The following KIAA0825 variants were observed in gnomAD, a reference collection of about 807,000 sequenced individuals.
KIAA0825 encodes the protein KIAA0825.
Under a neutral mutation model 147.6 loss-of-function variants are expected in KIAA0825, and 119 were observed. That is an observed-to-expected ratio of 0.81 (90% CI 0.69 to 0.94). The LOEUF is 0.94. Ranked by LOEUF, KIAA0825 falls within the 40% of genes least tolerant of loss-of-function variation. The probability of loss-of-function intolerance (pLI) is 0.00; values close to 1 mark genes in which losing one functional copy is unlikely to be tolerated. For missense variants in KIAA0825, 1,381 were observed against 1,472.7 expected (o/e 0.94, Z 1.02); for synonymous variants, 470 against 518.1 (o/e 0.91, Z 1.26).
chr5:94,212,762 T>C (rs994298940), intron 20 of KIAA0825, among the ~76,000 whole-genome samples: 5 of 152,150 alleles, frequency 3.3e-5, no homozygotes, highest in East Asian at 1.9e-4. Context: ...GAAGGAGTCA[T>C]TATCTTTATT....
At chr5:94,482,027 C>T (rs1348037219) in intron 6 of KIAA0825, among the ~76,000 whole-genome samples, 6 of 152,054 alleles carry the variant, frequency 3.9e-5, no homozygotes, top group Admixed American at 3.9e-4. Context: ...ATATCATCAC[C>T]TAATACAGTA....
chr5:94,498,765 T>G (rs1309570464), intron 5 of KIAA0825, among the ~76,000 whole-genome samples: 1 of 152,176 alleles, frequency 6.6e-6, no homozygotes. Context: ...CAGTGTAATC[T>G]CTACTGCTGG....
chr5:94,488,160 T>C (rs1195108904), intron 5 of KIAA0825, among the ~76,000 whole-genome samples: 1 of 152,114 alleles, frequency 6.6e-6, no homozygotes, highest in Non-Finnish European at 1.5e-5. Context: ...CCTCCCAGAG[T>C]GCTGCGATTA....
rs1430812764 is a variant in KIAA0825, at chr5:94,304,450, C to T, written c.3710+79918G>A. On this transcript the variant is annotated intron_variant, in intron 20 of 20. Transcript: ENST00000682413. ...CGTATCAACTAGAGAAGAGGTAACA[C>T]TGGAAGATGCCGATCTGGTTGACAA... Among the ~76,000 whole-genome samples, 3 of 152,004 alleles carry T rather than the reference C, an allele frequency of 2.0e-5. No homozygotes were observed. In the East Asian group the frequency reaches 5.8e-4, roughly 29 times the overall value.
At chr5:94,281,549 A>G (rs1777465281) in intron 20 of KIAA0825, among the ~76,000 whole-genome samples, 1 of 152,068 alleles carries the variant, frequency 6.6e-6, no homozygotes, top group Non-Finnish European at 1.5e-5. Context: ...TAGGATTGGT[A>G]GAGTTAGCTT....
chr5:94,417,075 T>C lies in KIAA0825; in HGVS notation c.2662+126A>G, dbSNP rs185374352. The C allele has an allele frequency of 9.8e-5, 84 of 860,732 alleles. No individual in the cohort carries two copies. In the African/African-American group the frequency reaches 1.3e-3, roughly 13 times the overall value. 53.3% of individuals were successfully genotyped at this position (860,732 alleles called of 1,614,324 possible). A position where few individuals can be genotyped will look rare whatever the true frequency, so the allele number is the denominator to read the frequency against. ...AACAGAAGGCTTTATACTGAAAAAA[T>C]GTAAGGTAAACTTTCACCAACAACA... On this transcript the variant is annotated intron_variant, in intron 15 of 20. Coordinates refer to ENST00000682413, the MANE Select transcript of KIAA0825 (RefSeq NM_001145678.3).
intron 14 of KIAA0825, among the ~76,000 whole-genome samples, chr5:94,430,229 T>C (rs539794456): frequency 6.6e-6 from 1 of 152,306 alleles, no homozygotes; most frequent in Admixed American, 6.5e-5. Flanking sequence ...GCTCTGAATG[T>C]ATGAAGGCAA....
At chr5:94,385,209 T>C (rs148233109) in intron 19 of KIAA0825, among the ~76,000 whole-genome samples, 163 of 152,322 alleles carry the variant, frequency 1.1e-3, no homozygotes, top group Middle Eastern at 0.01. Context: ...ATTTAAAGTA[T>C]TATAAATGCT....
Position 94,151,387 on chromosome 5 carries a change from G to A in KIAA0825, c.*2620C>T, listed in dbSNP as rs1029421788. Among the ~76,000 whole-genome samples, 19 of 128,172 alleles carry A rather than the reference G, an allele frequency of 1.5e-4. No individual in the cohort carries two copies. The highest frequency in any genetic ancestry group is 2.5e-4 in the Non-Finnish European group (16 of 64,538). 84.1% of individuals were successfully genotyped at this position (128,172 alleles called of 152,430 possible). A position where few individuals can be genotyped will look rare whatever the true frequency, so the allele number is the denominator to read the frequency against. On this transcript the variant is annotated 3_prime_UTR_variant, in exon 21 of 21. Transcript: ENST00000682413. Reference sequence around the variant, plus strand: ...AGCCGAGATTGCGCCACTGCAGTCCGCAGTCCGGCCTGGGCGACAGAGCGA... The same window carrying A: ...AGCCGAGATTGCGCCACTGCAGTCCACAGTCCGGCCTGGGCGACAGAGCGA...
At chr5:94,544,445 A>C (rs773442535) in intron 2 of KIAA0825, among the ~76,000 whole-genome samples, 1 of 152,188 alleles carries the variant, frequency 6.6e-6, no homozygotes, top group Non-Finnish European at 1.5e-5. Flanking sequence ...TTTGTCTTTG[A>C]AGTTGGCATT....
At chr5:94,178,264 G>A (rs1769291214) in intron 20 of KIAA0825, among the ~76,000 whole-genome samples, 1 of 151,676 alleles carries the variant, frequency 6.6e-6, no homozygotes, top group African/African-American at 2.4e-5. Context: ...CTCTTTTCCT[G>A]TCCATCAGTT....
At chr5:94,259,178 T>G (rs1414780678) in intron 20 of KIAA0825, among the ~76,000 whole-genome samples, 1 of 152,078 alleles carries the variant, frequency 6.6e-6, no homozygotes, top group African/African-American at 2.4e-5. Context: ...TACTTGGAAT[T>G]TCTTCTAAAT....
chr5:94,521,902 T>C (rs1404011116), intron 4 of KIAA0825, among the ~76,000 whole-genome samples: 1 of 151,728 alleles, frequency 6.6e-6, no homozygotes, highest in African/African-American at 2.4e-5. Flanking sequence ...TTCTTATTGA[T>C]GAAGATACCA....
intron 20 of KIAA0825, among the ~76,000 whole-genome samples, chr5:94,172,087 A>T (rs984157739): frequency 2.6e-5 from 4 of 152,184 alleles, no homozygotes; most frequent in African/African-American, 9.7e-5. Flanking sequence ...AATAAAACAG[A>T]TGGAAATAAT....
chr5:94,313,009 C>T (rs1394259598), intron 20 of KIAA0825, among the ~76,000 whole-genome samples: 1 of 151,544 alleles, frequency 6.6e-6, no homozygotes, highest in Non-Finnish European at 1.5e-5. Flanking sequence ...ACATTACATT[C>T]TACATTTTCT....
intron 1 of KIAA0825, among the ~76,000 whole-genome samples, chr5:94,613,346 A>T (rs1404937297): frequency 1.3e-5 from 2 of 151,996 alleles, no homozygotes; most frequent in African/African-American, 2.4e-5. Context: ...ACATGTGCCC[A>T]CGACCACACC....
chr5:94,244,530 T>C (rs1465740970), intron 20 of KIAA0825, among the ~76,000 whole-genome samples: 1 of 152,068 alleles, frequency 6.6e-6, no homozygotes, highest in East Asian at 1.9e-4. Flanking sequence ...GGAGACAAGG[T>C]CTCAGTATGT....
At chr5:94,315,098 T>C (rs1428401280) in intron 20 of KIAA0825, among the ~76,000 whole-genome samples, 1 of 151,814 alleles carries the variant, frequency 6.6e-6, no homozygotes, top group Non-Finnish European at 1.5e-5. Context: ...CTGGATATGG[T>C]TCTCAGTTCT....
At chr5:94,383,871 C>A (rs1562441851) in intron 20 of KIAA0825, among the ~76,000 whole-genome samples, 1 of 149,936 alleles carries the variant, frequency 6.7e-6, no homozygotes, top group Non-Finnish European at 1.5e-5. Flanking sequence ...TAAGACAGTA[C>A]CAACATAACT....
Sources: allele counts gnomAD v4.1 joint callset (sites outside exome capture counted in the v4.1 genomes callset), GRCh38; gene constraint gnomAD v4.1.1; transcripts MANE v1.5; gene names NCBI Gene and HGNC (gene_info 2026-07-23, HGNC 2026-07-21).